The following GOSR2 variants were observed in gnomAD, a reference collection of about 807,000 sequenced individuals.
GOSR2 encodes 27 kDa Golgi SNARE protein.
In GOSR2, 20 loss-of-function variants were observed where a neutral mutation model predicts 27.9. The observed-to-expected ratio is 0.72, with a 90% CI of 0.50 to 1.04. The LOEUF (loss-of-function observed/expected upper bound fraction) is 1.04, where lower values mean the gene tolerates loss of function less well. GOSR2 is among the 50% of genes least tolerant of loss of function. The pLI, the probability that GOSR2 is intolerant of heterozygous loss-of-function variation, is 0.00. For missense variants in GOSR2, 261 were observed against 270.5 expected (o/e 0.97, Z 0.25); for synonymous variants, 91 against 98.8 (o/e 0.92, Z 0.47).
downstream of GOSR2, among the ~76,000 whole-genome samples, chr17:46,944,139 A>G (rs1232099550): frequency 2.0e-5 from 3 of 152,224 alleles, no homozygotes; most frequent in Non-Finnish European, 2.9e-5. Context: ...AGTGGCTGAC[A>G]GTACAAGAGG....
intron 5 of GOSR2, chr17:46,936,160 C>T (rs896166914): frequency 1.0e-6 from 1 of 985,666 alleles, no homozygotes; most frequent in Non-Finnish European, 1.2e-6. Context: ...CTGCTGGGCG[C>T]TCCCCTTTCA....
chr17:46,923,473 T>C (rs1218856969), intron 1 of GOSR2: 10 of 1,392,806 alleles, frequency 7.2e-6, no homozygotes, highest in Non-Finnish European at 9.3e-6. Flanking sequence ...GACTACCTGC[T>C]GGGTAGACTG....
At chr17:46,971,007 C>T (rs564338347), downstream of GOSR2, among the ~76,000 whole-genome samples, 1 of 152,296 alleles carries the variant, frequency 6.6e-6, no homozygotes, top group African/African-American at 2.4e-5. Flanking sequence ...TACTGTTTGC[C>T]AACATTTTTC....
chr17:46,938,565 T>C, intron 5 of GOSR2, 34 bp from the exon 6 acceptor site: 2 of 1,611,926 alleles, frequency 1.2e-6, no homozygotes, highest in Non-Finnish European at 1.7e-6. Context: ...AGCGACTTGA[T>C]GTTTGTTTTT....
chr17:46,928,287 C>G (rs2086793872), intron 1 of GOSR2, among the ~76,000 whole-genome samples: 1 of 152,168 alleles, frequency 6.6e-6, no homozygotes, highest in South Asian at 2.1e-4. Flanking sequence ...AGACTGGGCA[C>G]AAGCTGAAGC....
chr17:46,935,872 A>G lies in GOSR2; in HGVS notation c.477+703A>G, dbSNP rs9914709. 1,314 of 986,022 alleles carry G rather than the reference A, an allele frequency of 1.3e-3. 8 individuals are homozygous for G. The African/African-American group carries it at 0.022, about 16-fold the overall frequency. The allele number at this position is 986,022 out of a possible 1,614,324, so 61.1% of individuals were successfully genotyped here. ...TTTTCCTGTATCAACCCTGATGGAT[A>G]ATAGGGCGTGGGTTCTGTCTGTTAT... On this transcript the variant is annotated intron_variant, in intron 5 of 5. Transcript: ENST00000640051.
chr17:46,946,923 G>A (rs946106473), downstream of GOSR2, among the ~76,000 whole-genome samples: 1 of 152,202 alleles, frequency 6.6e-6, no homozygotes, highest in African/African-American at 2.4e-5. Context: ...CCAAGCAAGT[G>A]GGGTAGATAT....
chr17:46,935,906 G>A, intron 5 of GOSR2: 7 of 985,798 alleles, frequency 7.1e-6, no homozygotes, highest in Non-Finnish European at 8.4e-6. Context: ...ATCAGGGTGT[G>A]GTCCCCTGTG....
intron 2 of GOSR2, chr17:46,930,156 C>T (rs1278789340): frequency 6.5e-6 from 1 of 153,940 alleles, no homozygotes; most frequent in Non-Finnish European, 1.4e-5. Context: ...TCCCTCAGGA[C>T]CCATTCCTCC....
intron 6 of GOSR2, among the ~76,000 whole-genome samples, chr17:46,958,075 C>A (rs879769762): frequency 1.3e-5 from 2 of 152,156 alleles, no homozygotes; most frequent in South Asian, 4.1e-4. Context: ...TCACCTCACC[C>A]GTAACCCATG....
rs188584292 is a variant in GOSR2, at chr17:46,951,896, C to G, written c.583+13192C>G. 2.0e-3 allele frequency among the ~76,000 whole-genome samples: 312 copies of G among 152,252 alleles called. 1 individual carries two copies. The highest frequency in any genetic ancestry group is 6.5e-3 in the African/African-American group (272 of 41,534). On this transcript the variant is annotated intron_variant, in intron 6 of 6. Transcript: ENST00000573224. ...GTGTTTGCCTCGCTGCTTCTCCCCCCCAGACATCACCTCCCTCACAGCCCA... is the reference window on the plus strand; with the variant it reads ...GTGTTTGCCTCGCTGCTTCTCCCCCGCAGACATCACCTCCCTCACAGCCCA...
chr17:46,930,478 A>G (rs2087179808), intron 2 of GOSR2: 1 of 152,426 alleles, frequency 6.6e-6, no homozygotes, highest in African/African-American at 2.4e-5. Context: ...TATTTATCGT[A>G]TCTCTTTACC....
downstream of GOSR2, among the ~76,000 whole-genome samples, chr17:46,945,083 G>C (rs1183178005): frequency 6.6e-6 from 1 of 152,172 alleles, no homozygotes; most frequent in Admixed American, 6.5e-5. Flanking sequence ...CATTAACCAG[G>C]AAGAGCTTTC....
chr17:46,940,787 C>T lies in GOSR2; in HGVS notation c.*2027C>T. 6.6e-7 allele frequency: 1 copy of T among 1,506,370 alleles called. No individual in the cohort carries two copies. Among genetic ancestry groups the T allele is most frequent in the Admixed American group, 2.0e-5 (1 of 48,934 alleles). 93.3% of individuals were successfully genotyped at this position (1,506,370 alleles called of 1,614,324 possible). ...GTCCTCTAGTTTGGAATAAAAATTG[C>T]AGAGGTGGTTTTTGGGTCTTTACCA... On this transcript the variant is annotated 3_prime_UTR_variant, in exon 6 of 6. Coordinates refer to ENST00000640051, the MANE Select transcript of GOSR2 (RefSeq NM_004287.5).
intron 6 of GOSR2, among the ~76,000 whole-genome samples, chr17:46,972,420 A>G (rs1005050997): frequency 1.1e-4 from 17 of 152,216 alleles, no homozygotes; most frequent in Non-Finnish European, 2.9e-5. Flanking sequence ...AGAACCTGGG[A>G]CAGGAAAGGA....
chr17:46,942,639 G>T (rs1372108061), downstream of GOSR2, among the ~76,000 whole-genome samples: 1 of 152,220 alleles, frequency 6.6e-6, no homozygotes, highest in African/African-American at 2.4e-5. Context: ...GTTCCCTGTT[G>T]GGAAATAATT....
chr17:46,942,711 G>T (rs1281308996), downstream of GOSR2, among the ~76,000 whole-genome samples: 1 of 152,248 alleles, frequency 6.6e-6, no homozygotes, highest in Non-Finnish European at 1.5e-5. Context: ...CCCCTAGGGG[G>T]CGGCATAGCC....
chr17:46,968,347 C>T (rs530066993), downstream of GOSR2, among the ~76,000 whole-genome samples: 8 of 152,358 alleles, frequency 5.3e-5, no homozygotes, highest in East Asian at 1.5e-3. Context: ...AATGTCCCAA[C>T]TCTGTCTCTC....
intron 6 of GOSR2, among the ~76,000 whole-genome samples, chr17:46,951,999 G>A (rs1001537324): frequency 6.6e-6 from 1 of 152,100 alleles, no homozygotes; most frequent in African/African-American, 2.4e-5. Context: ...GGCTATATTT[G>A]GTTCCTGCAA....
Sources: allele counts gnomAD v4.1 joint callset (sites outside exome capture counted in the v4.1 genomes callset), GRCh38; gene constraint gnomAD v4.1.1; transcripts MANE v1.5; gene names NCBI Gene and HGNC (gene_info 2026-07-23, HGNC 2026-07-21).